The following JARID2 variants were observed in gnomAD, a reference collection of about 807,000 sequenced individuals.
JARID2 encodes jumonji and AT-rich interaction domain containing 2.
JARID2 carries 21 observed loss-of-function variants against 125.6 expected under a neutral mutation model. The observed-to-expected ratio is 0.17, with a 90% CI of 0.12 to 0.24. The LOEUF (loss-of-function observed/expected upper bound fraction) is 0.24, where lower values mean the gene tolerates loss of function less well. Among genes scored for constraint, JARID2 ranks in the 10% least tolerant of loss-of-function variants. JARID2 has a pLI of 1.00. For synonymous variants in JARID2, 736 were observed against 661.6 expected, an observed-to-expected ratio of 1.11 and a Z score of -1.73; for missense variants, 1,303 against 1,639.6, an observed-to-expected ratio of 0.79 and a Z score of 3.55.
intron 5 of JARID2, among the ~76,000 whole-genome samples, chr6:15,485,179 T>A (rs1473297411): frequency 1.3e-5 from 2 of 152,214 alleles, no homozygotes. Flanking sequence ...TATTTTGACG[T>A]GGCCTGGTCT....
At chr6:15,323,833 A>T (rs1026182118) in intron 1 of JARID2, among the ~76,000 whole-genome samples, 3 of 151,868 alleles carry the variant, frequency 2.0e-5, no homozygotes, top group Non-Finnish European at 4.4e-5. Flanking sequence ...CAGAAGATGC[A>T]GTGAGCTGAT....
chr6:15,472,998 C>T (rs1430066868), intron 5 of JARID2, among the ~76,000 whole-genome samples: 1 of 152,186 alleles, frequency 6.6e-6, no homozygotes, highest in Admixed American at 6.5e-5. Context: ...AAACCAACTC[C>T]ACTAGAATTT....
chr6:15,390,797 C>A (rs918846224), intron 2 of JARID2, among the ~76,000 whole-genome samples: 1 of 152,128 alleles, frequency 6.6e-6, no homozygotes, highest in Non-Finnish European at 1.5e-5. Flanking sequence ...GGCCGCAGTC[C>A]TCCAGCTCTG....
At chr6:15,298,660 A>G (rs1188380629) in intron 1 of JARID2, among the ~76,000 whole-genome samples, 1 of 151,058 alleles carries the variant, frequency 6.6e-6, no homozygotes, top group African/African-American at 2.4e-5. Flanking sequence ...AGCCTGGGCA[A>G]CAGAGTGAGA....
intron 1 of JARID2, among the ~76,000 whole-genome samples, chr6:15,358,443 T>C (rs1024692852): frequency 6.6e-6 from 1 of 152,206 alleles, no homozygotes; most frequent in South Asian, 2.1e-4. Flanking sequence ...GTTTTTGTGT[T>C]GTTGGTGGAT....
intron 1 of JARID2, among the ~76,000 whole-genome samples, chr6:15,363,700 A>C (rs1030642830): frequency 2.0e-5 from 3 of 152,188 alleles, no homozygotes; most frequent in African/African-American, 2.4e-5. Flanking sequence ...CTAGTTGAAA[A>C]ATGTGGAAGA....
intron 5 of JARID2, among the ~76,000 whole-genome samples, chr6:15,483,802 A>G (rs1267733351): frequency 2.0e-5 from 3 of 152,162 alleles, no homozygotes; most frequent in Non-Finnish European, 4.4e-5. Context: ...GGGAACTCCT[A>G]CGTTTCTCCT....
Position 15,482,129 on chromosome 6 carries a change from T to C in JARID2, c.671-5178T>C, listed in dbSNP as rs183797405. ...ACCACAGTCACACTCTTCAAGTGTCTGTGAAAGTCCCAGCTTAGCAACTGG... is the reference window on the plus strand; with the variant it reads ...ACCACAGTCACACTCTTCAAGTGTCCGTGAAAGTCCCAGCTTAGCAACTGG... On this transcript the variant is annotated intron_variant, in intron 5 of 17. Transcript: ENST00000341776. Among the ~76,000 whole-genome samples, 282 of 152,384 alleles carry C rather than the reference T, an allele frequency of 1.9e-3. 1 individual carries two copies. Among genetic ancestry groups the C allele is most frequent in the Middle Eastern group, 3.4e-3 (1 of 294 alleles).
intron 3 of JARID2, among the ~76,000 whole-genome samples, chr6:15,418,976 T>C (rs1766363037): frequency 6.6e-6 from 1 of 152,232 alleles, no homozygotes; most frequent in South Asian, 2.1e-4. Flanking sequence ...CCCAAATGTA[T>C]ACGAATCTTC....
At chr6:15,290,522 G>A (rs1761165461) in intron 1 of JARID2, among the ~76,000 whole-genome samples, 1 of 152,176 alleles carries the variant, frequency 6.6e-6, no homozygotes, top group Non-Finnish European at 1.5e-5. Context: ...TTGACAGCTT[G>A]GTATTGTCAG....
chr6:15,498,319 C>A (rs1770565493), intron 7 of JARID2, among the ~76,000 whole-genome samples: 1 of 152,130 alleles, frequency 6.6e-6, no homozygotes, highest in African/African-American at 2.4e-5. Context: ...ACAGTGGATC[C>A]TTAGTGAATG....
In JARID2 at chr6:15,513,333, G is replaced by A; in HGVS notation, c.3361G>A (p.Asp1121Asn). The change falls in exon 16 of 18, where the codon GAC (aspartate) becomes AAC (asparagine). Residue 1121 changes from aspartate (D) to asparagine (N), a missense_variant. Transcript: ENST00000341776. Reference protein sequence around the residue: ...GSHDGSSTVADGKKKPRKWLQ... With the variant: ...GSHDGSSTVANGKKKPRKWLQ... ...CCACGATGGCAGCAGCACGGTGGCG[G>A]ACGGGAAGAAAAAGCCTCGAAAGTG... The A allele has an allele frequency of 1.2e-6, 2 of 1,613,040 alleles. No individual in the cohort carries two copies. The highest frequency in any genetic ancestry group is 8.5e-7 in the Non-Finnish European group (1 of 1,179,718).
intron 1 of JARID2, among the ~76,000 whole-genome samples, chr6:15,361,268 A>ACC (rs1581455707): frequency 6.6e-6 from 1 of 152,126 alleles, no homozygotes; most frequent in East Asian, 1.9e-4. Context: ...TTGTACAGGT[A>ACC]ACTGCCTCAG....
rs552158269 is a variant in JARID2, at chr6:15,359,897, G to C, written c.46-14220G>C. Among the ~76,000 whole-genome samples the C allele has an allele frequency of 4.6e-5, 7 of 152,148 alleles. No homozygotes were observed. The East Asian group carries it at 1.4e-3, about 29-fold the overall frequency. On this transcript the variant is annotated intron_variant, in intron 1 of 17. Transcript: ENST00000341776. ...AGATGGCATTTCACTGTCCTGGTCA[G>C]GTTGGTCTTGAACCCCTGACCTCAG...
rs138352729 is a variant in JARID2 at position 15,480,847 on chromosome 6, G to T, written c.671-6460G>T. ...TCAAGAGTCTGTGCATGGAGTGAGGGTATTAAAAACCTTGCGATCAGTTTC... is the reference window on the plus strand; with the variant it reads ...TCAAGAGTCTGTGCATGGAGTGAGGTTATTAAAAACCTTGCGATCAGTTTC... On this transcript the variant is annotated intron_variant, in intron 5 of 17. Transcript: ENST00000341776. 3.3e-3 allele frequency among the ~76,000 whole-genome samples: 504 copies of T among 152,274 alleles called. 1 individual carries two copies. Among genetic ancestry groups the T allele is most frequent in the African/African-American group, 0.011 (462 of 41,546 alleles).
At chr6:15,415,625 CG>C (rs1766135260) in intron 3 of JARID2, among the ~76,000 whole-genome samples, 1 of 138,874 alleles carries the variant, frequency 7.2e-6, no homozygotes, top group South Asian at 2.2e-4. Context: ...CCGGTCGGGG[CG>C]GCTGGCCGGG....
At chr6:15,357,025 AAAC>A (rs1451896654) in intron 1 of JARID2, among the ~76,000 whole-genome samples, 17 of 152,304 alleles carry the variant, frequency 1.1e-4, no homozygotes, top group African/African-American at 3.8e-4. Flanking sequence ...AACAAACAAA[AAAC>A]AACAACAAAA....
At chr6:15,255,029 A>T (rs1203138139) in intron 1 of JARID2, among the ~76,000 whole-genome samples, 1 of 151,820 alleles carries the variant, frequency 6.6e-6, no homozygotes, top group Non-Finnish European at 1.5e-5. Context: ...AAAAAACAAA[A>T]AAAAAACACC....
At chr6:15,387,475 T>C (rs964388259) in intron 2 of JARID2, among the ~76,000 whole-genome samples, 2 of 152,168 alleles carry the variant, frequency 1.3e-5, no homozygotes, top group Non-Finnish European at 2.9e-5. Flanking sequence ...TTCCTCCTCA[T>C]GCGAGGACTC....
Sources: gnomAD v4.1 joint callset for allele counts (sites outside exome capture counted in the v4.1 genomes callset) on GRCh38, gnomAD v4.1.1 for gene constraint, MANE v1.5 for transcripts, NCBI Gene and HGNC (gene_info 2026-07-23, HGNC 2026-07-21) for gene names.